The following LPP variants were observed in gnomAD, a reference collection of about 807,000 sequenced individuals.
LPP encodes the protein lipoma-preferred partner.
In LPP, 38 loss-of-function variants were observed where a neutral mutation model predicts 60.4. The observed-to-expected ratio is 0.63, with a 90% CI of 0.49 to 0.83. The LOEUF (loss-of-function observed/expected upper bound fraction) is 0.83. Among genes scored for constraint, LPP ranks in the 40% least tolerant of loss-of-function variants. LPP has a pLI of 0.00. For synonymous variants in LPP, 328 were observed against 290.8 expected (o/e 1.13, Z -1.30); for missense variants, 902 against 783.6 (o/e 1.15, Z -1.80).
At chr3:188,521,360 C>G (rs971287144) in intron 5 of LPP, among the ~76,000 whole-genome samples, 5 of 152,038 alleles carry the variant, frequency 3.3e-5, no homozygotes, top group African/African-American at 1.2e-4. Flanking sequence ...CAAGCACAGA[C>G]TGGTTGCATA....
chr3:188,327,141 T>A (rs1355172493), intron 2 of LPP, among the ~76,000 whole-genome samples: 1 of 152,176 alleles, frequency 6.6e-6, no homozygotes, highest in African/African-American at 2.4e-5. Context: ...CAACACTGAT[T>A]TCATTCCTGG....
intron 9 of LPP, among the ~76,000 whole-genome samples, chr3:188,863,956 A>G (rs1012624117): frequency 4.5e-4 from 21 of 46,274 alleles, no homozygotes; most frequent in Non-Finnish European, 6.4e-4. Context: ...AGGGCTGACT[A>G]AAAAAAAAAA....
intron 8 of LPP, among the ~76,000 whole-genome samples, chr3:188,714,216 G>A (rs912229321): frequency 3.3e-5 from 5 of 152,124 alleles, no homozygotes; most frequent in African/African-American, 7.2e-5. Flanking sequence ...TATAAATGCT[G>A]TTCCTGCTGA....
chr3:188,267,603 A>G (rs1469484329), intron 2 of LPP, among the ~76,000 whole-genome samples: 1 of 152,164 alleles, frequency 6.6e-6, no homozygotes, highest in Non-Finnish European at 1.5e-5. Context: ...TTAGTAAGCC[A>G]TTGTACTGGA....
chr3:188,709,830 T>A (rs921753177), intron 8 of LPP: 2 of 152,236 alleles, frequency 1.3e-5, no homozygotes, highest in Admixed American at 6.5e-5. Context: ...TTAAAATTAA[T>A]TACTAGGGAA....
intron 2 of LPP, among the ~76,000 whole-genome samples, chr3:188,332,882 T>A (rs980662344): frequency 1.3e-5 from 2 of 152,082 alleles, no homozygotes; most frequent in Non-Finnish European, 2.9e-5. Context: ...AGGCTCCATG[T>A]GTTATCTTTG....
Position 188,329,955 on chromosome 3 carries a change from T to C in LPP, c.-66-11708T>C, listed in dbSNP as rs146587320. ...GCAATTATCATCCTTTATATCACTA[T>C]AACCCATCTTACTAGGCAAACTGTG... is the stretch of plus-strand genomic sequence containing the variant. On this transcript the variant is annotated intron_variant, in intron 2 of 11. Coordinates refer to ENST00000617246, the MANE Select transcript of LPP (RefSeq NM_001375462.1). 6.8e-3 allele frequency among the ~76,000 whole-genome samples: 1,033 copies of C among 152,338 alleles called. 3 individuals are homozygous for C. The highest frequency in any genetic ancestry group is 0.012 in the Non-Finnish European group (784 of 68,030).
chr3:188,800,438 G>A (rs796637829), intron 9 of LPP, among the ~76,000 whole-genome samples: 1 of 151,536 alleles, frequency 6.6e-6, no homozygotes, highest in Non-Finnish European at 1.5e-5. Flanking sequence ...GTAGAGGTGG[G>A]GTTTCATCGT....
chr3:188,669,671 T>C (rs975540027), intron 7 of LPP, among the ~76,000 whole-genome samples: 4 of 151,700 alleles, frequency 2.6e-5, no homozygotes, highest in African/African-American at 7.3e-5. Context: ...TTGGTGGGAG[T>C]TCAACCATTG....
rs572724142 is a variant in LPP at position 188,810,616 on chromosome 3, T to C, written c.1410+50334T>C. Among the ~76,000 whole-genome samples, 8 of 152,260 alleles carry C rather than the reference T, an allele frequency of 5.3e-5. No homozygotes were observed. The South Asian group carries it at 1.4e-3, about 28-fold the overall frequency. The stretch of plus-strand genomic sequence containing the variant: ...ATACTTTATCATAAGTATGTATGTA[T>C]AGGAAAAAACAGTATGTATAGGGGT... On this transcript the variant is annotated intron_variant, in intron 9 of 11. Transcript: ENST00000617246.
At chr3:188,353,089 G>A (rs1271935816) in intron 3 of LPP, among the ~76,000 whole-genome samples, 1 of 152,152 alleles carries the variant, frequency 6.6e-6, no homozygotes, top group Non-Finnish European at 1.5e-5. Flanking sequence ...TTCATTGTCA[G>A]TACCATGCTT....
chr3:188,643,068 C>T (rs1422150289), intron 7 of LPP, among the ~76,000 whole-genome samples: 2 of 152,146 alleles, frequency 1.3e-5, no homozygotes, highest in Non-Finnish European at 2.9e-5. Flanking sequence ...GAGTTTGAGA[C>T]TAGGAATGAA....
At chr3:188,447,001 G>T (rs1209881912) in intron 4 of LPP, among the ~76,000 whole-genome samples, 1 of 152,158 alleles carries the variant, frequency 6.6e-6, no homozygotes, top group African/African-American at 2.4e-5. Context: ...AATTAAGGAG[G>T]TTTTTTGAAG....
At chr3:188,533,335 A>ATGC (rs1822693627) in intron 6 of LPP, among the ~76,000 whole-genome samples, 2 of 152,212 alleles carry the variant, frequency 1.3e-5, no homozygotes, top group African/African-American at 4.8e-5. Context: ...AAACTACAAC[A>ATGC]TGCTGATACT....
intron 9 of LPP, among the ~76,000 whole-genome samples, chr3:188,811,231 T>C (rs182446889): frequency 2.0e-5 from 3 of 152,152 alleles, no homozygotes; most frequent in Admixed American, 2.0e-4. Flanking sequence ...ACTATAGATA[T>C]TCACATCCCC....
At chr3:188,467,369 A>G (rs562629350) in intron 4 of LPP, among the ~76,000 whole-genome samples, 2 of 152,214 alleles carry the variant, frequency 1.3e-5, no homozygotes, top group East Asian at 3.9e-4. Flanking sequence ...AATAGGTACG[A>G]TGAATACAAG....
chr3:188,612,623 A>G (rs922879365), intron 7 of LPP, among the ~76,000 whole-genome samples: 6 of 152,204 alleles, frequency 3.9e-5, no homozygotes, highest in African/African-American at 1.4e-4. Context: ...AATAATTGCC[A>G]AGTGAAGACT....
chr3:188,536,963 C>T (rs1027132491), intron 6 of LPP, among the ~76,000 whole-genome samples: 1 of 152,204 alleles, frequency 6.6e-6, no homozygotes, highest in Admixed American at 6.5e-5. Context: ...CCAGCCAACA[C>T]AGAGTTATGT....
intron 2 of LPP, among the ~76,000 whole-genome samples, chr3:188,307,614 C>T (rs761503675): frequency 6.6e-6 from 1 of 152,136 alleles, no homozygotes; most frequent in Admixed American, 6.5e-5. Flanking sequence ...AGGATTTAGT[C>T]TTTTTAAGTT....
Sources: allele counts gnomAD v4.1 joint callset (sites outside exome capture counted in the v4.1 genomes callset), GRCh38; gene constraint gnomAD v4.1.1; transcripts MANE v1.5; gene names NCBI Gene and HGNC (gene_info 2026-07-23, HGNC 2026-07-21).